The following ARHGAP6 variants were observed in gnomAD, a reference collection of about 807,000 sequenced individuals.
ARHGAP6 encodes Rho GTPase activating protein 6.
A neutral mutation model predicts 55.7 loss-of-function variants in ARHGAP6; 16 were observed. The observed-to-expected ratio is 0.29, with a 90% CI of 0.19 to 0.44. The LOEUF (loss-of-function observed/expected upper bound fraction) is 0.44, where lower values mean the gene tolerates loss of function less well. Among genes scored for constraint, ARHGAP6 ranks in the 20% least tolerant of loss-of-function variants. The pLI is 1.00. For synonymous variants in ARHGAP6, 382 were observed against 360.9 expected (o/e 1.06, Z -0.66); for missense variants, 698 against 808.9 (o/e 0.86, Z 1.66).
intron 1 of ARHGAP6, among the ~76,000 whole-genome samples, chrX:11,516,601 G>A (rs1026696594): frequency 8.9e-5 from 10 of 112,194 alleles, no homozygotes; most frequent in African/African-American, 2.9e-4. Context: ...ACCGTGATAA[G>A]TTTACTTACT....
chrX:11,586,569 CTG>C (rs1187115844), intron 1 of ARHGAP6, among the ~76,000 whole-genome samples: 1 of 111,863 alleles, frequency 8.9e-6, no homozygotes, highest in African/African-American at 3.3e-5. Flanking sequence ...GTTTTGGTTA[CTG>C]TAGCCCCATA....
intron 1 of ARHGAP6, among the ~76,000 whole-genome samples, chrX:11,348,318 A>G: frequency 8.9e-6 from 1 of 112,550 alleles, no homozygotes; most frequent in Non-Finnish European, 1.9e-5. Flanking sequence ...CATTTAACCT[A>G]TGACATACGT....
chrX:11,655,806 A>G (rs2052631489), intron 1 of ARHGAP6, among the ~76,000 whole-genome samples: 1 of 112,639 alleles, frequency 8.9e-6, no homozygotes, highest in Non-Finnish European at 1.9e-5. Flanking sequence ...CACGCCCCAA[A>G]GGCAAGCCTC....
chrX:11,454,958 T>G lies in ARHGAP6; in HGVS notation c.589-200251A>C, dbSNP rs201343710. ...CTGTTTGGCTTTATAACAAAACATA[T>G]TTTTTTCAAGCACAACTTGGGGAGA... is the stretch of plus-strand genomic sequence containing the variant. On this transcript the variant is annotated intron_variant, in intron 1 of 12. Coordinates refer to ENST00000337414, the MANE Select transcript of ARHGAP6 (RefSeq NM_013427.3). Among the ~76,000 whole-genome samples the G allele has an allele frequency of 8.0e-5, 9 of 112,333 alleles. No individual in the cohort carries two copies. The East Asian group carries it at 1.7e-3, about 21-fold the overall frequency.
intron 1 of ARHGAP6, among the ~76,000 whole-genome samples, chrX:11,502,389 G>A (rs2050688339): frequency 1.8e-5 from 2 of 112,466 alleles, no homozygotes; most frequent in African/African-American, 6.5e-5. Context: ...TTCTCATGAT[G>A]CTTTATTTCT....
intron 1 of ARHGAP6, among the ~76,000 whole-genome samples, chrX:11,545,475 A>T (rs1433903386): frequency 9.0e-6 from 1 of 111,444 alleles, no homozygotes; most frequent in East Asian, 2.9e-4. Context: ...AGGCTTTCTT[A>T]AAAAAAATAA....
At chrX:11,630,428 C>T (rs934741291) in intron 1 of ARHGAP6, among the ~76,000 whole-genome samples, 2 of 111,888 alleles carry the variant, frequency 1.8e-5, no homozygotes, top group Non-Finnish European at 3.8e-5. Flanking sequence ...GATATAGATG[C>T]CTGGGCCCTA....
intron 1 of ARHGAP6, among the ~76,000 whole-genome samples, chrX:11,381,238 T>C (rs2049259494): frequency 8.9e-6 from 1 of 112,551 alleles, no homozygotes; most frequent in African/African-American, 3.2e-5. Context: ...GTCTACTTAG[T>C]TCAAGTGTGT....
Position 11,371,849 on chromosome X carries a change from C to T in ARHGAP6, c.589-117142G>A, listed in dbSNP as rs927526271. ...AATTAGGAATAGATGAGTTGATCCA[C>T]GACTCTGCTGTAAGTACTACAGGAA... On this transcript the variant is annotated intron_variant, in intron 1 of 12. Transcript: ENST00000337414. 3.6e-5 allele frequency among the ~76,000 whole-genome samples: 4 copies of T among 112,215 alleles called. No individual in the cohort carries two copies. In the East Asian group the frequency reaches 8.3e-4, roughly 23 times the overall value.
intron 1 of ARHGAP6, among the ~76,000 whole-genome samples, chrX:11,468,652 T>C (rs1471343735): frequency 8.9e-6 from 1 of 112,809 alleles, no homozygotes; most frequent in African/African-American, 3.2e-5. Context: ...ACTTAAAATA[T>C]CTGAAATGAC....
chrX:11,274,822 C>G (rs1313151764), intron 1 of ARHGAP6, among the ~76,000 whole-genome samples: 1 of 111,159 alleles, frequency 9.0e-6, no homozygotes. Context: ...TGTTGCTCCC[C>G]TTCCTGTGTC....
intron 1 of ARHGAP6, among the ~76,000 whole-genome samples, chrX:11,480,067 T>C (rs963554072): frequency 9.0e-6 from 1 of 111,591 alleles, no homozygotes; most frequent in African/African-American, 3.3e-5. Context: ...TCTTAATTGT[T>C]CTCACTTGGA....
At chrX:11,523,765 A>C (rs889954897) in intron 1 of ARHGAP6, among the ~76,000 whole-genome samples, 2 of 111,277 alleles carry the variant, frequency 1.8e-5, no homozygotes, top group African/African-American at 3.3e-5. Context: ...CCCAATAACA[A>C]AAGTAGAACC....
chrX:11,220,797 G>A (rs1162812512), intron 2 of ARHGAP6, among the ~76,000 whole-genome samples: 2 of 108,684 alleles, frequency 1.8e-5, no homozygotes, highest in African/African-American at 6.7e-5. Context: ...AACTTTAAAT[G>A]TAAATGGACT....
intron 1 of ARHGAP6, among the ~76,000 whole-genome samples, chrX:11,467,193 C>T (rs942204130): frequency 8.1e-5 from 9 of 111,336 alleles, no homozygotes; most frequent in African/African-American, 2.0e-4. Context: ...AACCCCAACA[C>T]TTTGGGAGGC....
At chrX:11,427,715 G>T (rs1372070429) in intron 1 of ARHGAP6, 2 of 791,537 alleles carry the variant, frequency 2.5e-6, no homozygotes, top group Non-Finnish European at 1.5e-6. Flanking sequence ...TGCTCCGTGC[G>T]TGCCGAGTGC....
intron 1 of ARHGAP6, among the ~76,000 whole-genome samples, chrX:11,472,788 G>A (rs2050361058): frequency 9.0e-6 from 1 of 111,242 alleles, no homozygotes; most frequent in Admixed American, 9.5e-5. Context: ...GTGATGTGGA[G>A]GTAAGAGGCC....
At chrX:11,466,786 G>A (rs1322963073) in intron 1 of ARHGAP6, among the ~76,000 whole-genome samples, 3 of 111,886 alleles carry the variant, frequency 2.7e-5, no homozygotes, top group East Asian at 2.8e-4. Flanking sequence ...TTACAGGCAT[G>A]AGCCACCACA....
Position 11,664,485 on chromosome X carries a change from G to T in ARHGAP6, c.344C>A (p.Ser115Tyr), listed in dbSNP as rs1257879828. 2.5e-6 allele frequency: 3 copies of T among 1,208,514 alleles called. No individual in the cohort carries two copies. The highest frequency in any genetic ancestry group is 3.4e-6 in the Non-Finnish European group (3 of 894,015). ...TPSTPQEKSP[S>Y]GSFHFDYEVP... ...CTCATAGTCAAAGTGAAAGCTGCCG[G>T]ATGGTGACTTCTCCTGCGGGGTGCT... The change falls in exon 1 of 13, where the codon TCC (serine) becomes TAC (tyrosine). Residue 115 changes from serine (S) to tyrosine (Y), a missense_variant. Physicochemically the swap from Ser to Tyr is moderately radical, Grantham distance 144. This residue lies in a region of ARHGAP6 where 164 missense variants were observed against 149.2 expected (regional missense o/e 1.10). Coordinates refer to ENST00000337414, the MANE Select transcript of ARHGAP6 (RefSeq NM_013427.3).
Sources: allele counts gnomAD v4.1 joint callset (sites outside exome capture counted in the v4.1 genomes callset), GRCh38; gene constraint gnomAD v4.1.1; regional missense constraint gnomAD v4.1.1; transcripts MANE v1.5; gene names NCBI Gene and HGNC (gene_info 2026-07-23, HGNC 2026-07-21).